PTCHD1: variants seen among roughly 807,000 people sequenced by gnomAD.
The protein encoded by PTCHD1 is patched domain-containing protein 1.
Under a neutral mutation model 34.6 loss-of-function variants are expected in PTCHD1, and 3 were observed. The observed-to-expected ratio is 0.09, with a 90% CI of 0.04 to 0.22. PTCHD1 has a LOEUF of 0.22. Among genes scored for constraint, PTCHD1 ranks in the 10% least tolerant of loss-of-function variants. PTCHD1 has a pLI of 1.00. For synonymous variants in PTCHD1, 305 were observed against 283.1 expected, an observed-to-expected ratio of 1.08 and a Z score of -0.77; for missense variants, 504 against 685.5, an observed-to-expected ratio of 0.74 and a Z score of 2.96.
At chrX:23,361,984 C>G (rs1242593747) in intron 1 of PTCHD1, among the ~76,000 whole-genome samples, 1 of 112,626 alleles carries the variant, frequency 8.9e-6, no homozygotes, top group African/African-American at 3.2e-5. Flanking sequence ...GGCCCCCACT[C>G]TCTTCTGGCT....
At chrX:23,387,426 G>A (rs1922711368) in intron 2 of PTCHD1, among the ~76,000 whole-genome samples, 1 of 111,393 alleles carries the variant, frequency 9.0e-6, no homozygotes, top group African/African-American at 3.3e-5. Context: ...TTTATCATGT[G>A]TGCTTCTTTT....
chrX:23,366,213 T>G (rs1466275630), intron 1 of PTCHD1, among the ~76,000 whole-genome samples: 8 of 112,074 alleles, frequency 7.1e-5, no homozygotes, highest in Admixed American at 1.9e-4. Context: ...TACATTGGTG[T>G]CTTATTTTGT....
chrX:23,343,730 AT>A (rs1921403923), intron 1 of PTCHD1, among the ~76,000 whole-genome samples: 1 of 112,092 alleles, frequency 8.9e-6, no homozygotes, highest in Non-Finnish European at 1.9e-5. Flanking sequence ...AAAACTGCTA[AT>A]TTTTCAGCGT....
intron 1 of PTCHD1, among the ~76,000 whole-genome samples, chrX:23,365,355 C>G (rs1922113517): frequency 9.0e-6 from 1 of 111,204 alleles, no homozygotes; most frequent in East Asian, 2.8e-4. Flanking sequence ...GTTTTGAGGA[C>G]ACTAGGAAAC....
intron 1 of PTCHD1, among the ~76,000 whole-genome samples, chrX:23,362,369 A>G (rs1031065588): frequency 1.8e-5 from 2 of 111,575 alleles, no homozygotes; most frequent in African/African-American, 6.5e-5. Context: ...TTTTCTCTAA[A>G]CATCTCTTCT....
chrX:23,380,895 TC>T (rs1427361752), intron 2 of PTCHD1, among the ~76,000 whole-genome samples: 1 of 111,160 alleles, frequency 9.0e-6, no homozygotes, highest in African/African-American at 3.3e-5. Flanking sequence ...AGGGAGGTGC[TC>T]CTGCAGCACA....
At chrX:23,370,488 G>T (rs1922247529) in intron 1 of PTCHD1, among the ~76,000 whole-genome samples, 1 of 112,074 alleles carries the variant, frequency 8.9e-6, no homozygotes, top group Non-Finnish European at 1.9e-5. Context: ...AGAACCTTGA[G>T]AACAGAGAAG....
intron 1 of PTCHD1, among the ~76,000 whole-genome samples, chrX:23,340,767 G>C (rs1432937395): frequency 8.9e-6 from 1 of 112,345 alleles, no homozygotes; most frequent in Non-Finnish European, 1.9e-5. Context: ...TTTGTTTGGT[G>C]ACAGGTGCTA....
intron 2 of PTCHD1, among the ~76,000 whole-genome samples, chrX:23,391,565 A>C (rs1922828253): frequency 9.0e-6 from 1 of 111,324 alleles, no homozygotes; most frequent in Non-Finnish European, 1.9e-5. Context: ...GGGAAAACAG[A>C]GGGGGCTGTG....
At position 23,388,559 on chromosome X, in the gene PTCHD1, G is replaced by A. The variant is rs886188790; in HGVS notation, c.1013-3972G>A. 1.8e-5 allele frequency among the ~76,000 whole-genome samples: 2 copies of A among 112,053 alleles called. 1 individual carries two copies. Among genetic ancestry groups the A allele is most frequent in the East Asian group, 5.6e-4 (2 of 3,569 alleles). ...TTAGGAGAGTGGGTTGTGCGTGGTG[G>A]CTCATGCCTGTATAGAATCCCAGCA... On this transcript the variant is annotated intron_variant, in intron 2 of 2. Transcript: ENST00000379361.
chrX:23,377,062 A>G (rs763136279), intron 1 of PTCHD1, among the ~76,000 whole-genome samples: 2 of 111,849 alleles, frequency 1.8e-5, no homozygotes, highest in African/African-American at 6.5e-5. Context: ...AGAGTTTACA[A>G]CTCCCCACCC....
chrX:23,360,824 G>C (rs769162553), intron 1 of PTCHD1, among the ~76,000 whole-genome samples: 1 of 112,084 alleles, frequency 8.9e-6, no homozygotes, highest in Non-Finnish European at 1.9e-5. Flanking sequence ...CTTTAAATGT[G>C]TCCCAGACAT....
At chrX:23,363,079 G>A (rs918833312) in intron 1 of PTCHD1, among the ~76,000 whole-genome samples, 1 of 112,367 alleles carries the variant, frequency 8.9e-6, no homozygotes, top group African/African-American at 3.2e-5. Context: ...ACTAGGTGGT[G>A]TCTCCCAGTT....
chrX:23,386,576 C>G (rs1484728137), intron 2 of PTCHD1, among the ~76,000 whole-genome samples: 1 of 112,064 alleles, frequency 8.9e-6, no homozygotes, highest in African/African-American at 3.2e-5. Context: ...TTACTCAACC[C>G]AGACATATAT....
intron 1 of PTCHD1, among the ~76,000 whole-genome samples, chrX:23,361,555 G>A (rs1245513447): frequency 9.0e-6 from 1 of 111,548 alleles, no homozygotes; most frequent in Non-Finnish European, 1.9e-5. Flanking sequence ...CTGCATGTGA[G>A]ATGGGTCTCC....
At position 23,366,921 on chromosome X, in the gene PTCHD1, TACACAC is replaced by T. The variant is rs61606231; in HGVS notation, c.352-12643_352-12638del. ...ACCACTGCTACACACATGCTCCTGG[TACACAC>T]ACACACACACACACACACACACACA... On this transcript the variant is annotated intron_variant, in intron 1 of 2. Coordinates refer to ENST00000379361, the MANE Select transcript of PTCHD1 (RefSeq NM_173495.3). 8.2e-3 allele frequency among the ~76,000 whole-genome samples: 818 copies of T among 99,332 alleles called. 10 individuals carry two copies. Among genetic ancestry groups the T allele is most frequent in the African/African-American group, 0.026 (692 of 26,973 alleles). 86.3% of individuals were successfully genotyped at this position (99,332 alleles called of 115,157 possible).
rs1060499778 is a variant in PTCHD1, at chrX:23,379,781, A to C, written c.542A>C (p.Lys181Thr). Residue 181 changes from lysine to threonine, a missense_variant, in exon 2 of 3, where the codon AAG becomes ACG. Physicochemically the swap from Lys to Thr is moderately conservative, Grantham distance 78. Transcript: ENST00000379361. ...ATCACATACCCAATCACTCACTTAA[A>C]GGACGGGAGGGCTGTGTACAATGGG... ...FAITYPITHLKDGRAVYNGHQ... is the reference protein window; with the variant it reads ...FAITYPITHLTDGRAVYNGHQ... The C allele has an allele frequency of 8.3e-7, 1 of 1,211,405 alleles. No individual in the cohort carries two copies.
chrX:23,334,770 G>A, upstream of PTCHD1: 1 of 210,037 alleles, frequency 4.8e-6, no homozygotes, highest in Non-Finnish European at 6.7e-6. Flanking sequence ...CGCCGTCGCC[G>A]CCGCCGCGGG....
chrX:23,349,820 C>A (rs56304257), intron 1 of PTCHD1, among the ~76,000 whole-genome samples: 1 of 110,108 alleles, frequency 9.1e-6, no homozygotes, highest in African/African-American at 3.3e-5. Context: ...GACAGCATGT[C>A]TACTACTCTG....
Sources: gnomAD v4.1 joint callset for allele counts (sites outside exome capture counted in the v4.1 genomes callset) on GRCh38, gnomAD v4.1.1 for gene constraint, MANE v1.5 for transcripts, NCBI Gene and HGNC (gene_info 2026-07-23, HGNC 2026-07-21) for gene names.